Variants in IL1RAPL1 observed in about 807,000 individuals in gnomAD.
IL1RAPL1 encodes the protein interleukin 1 receptor accessory protein like 1, also known as interleukin-1 receptor accessory protein-like 1.
Under a neutral mutation model 48.4 loss-of-function variants are expected in IL1RAPL1, and 3 were observed. The observed-to-expected ratio is 0.06, with a 90% CI of 0.03 to 0.16. The LOEUF is 0.16. IL1RAPL1 is among the 10% of genes least tolerant of loss of function. The pLI is 1.00. For missense variants in IL1RAPL1, 349 were observed against 530.6 expected (o/e 0.66, Z 3.36); for synonymous variants, 185 against 187.7 (o/e 0.99, Z 0.12).
At chrX:29,303,666 T>C (rs1932573349) in intron 3 of IL1RAPL1, among the ~76,000 whole-genome samples, 1 of 111,727 alleles carries the variant, frequency 9.0e-6, no homozygotes, top group East Asian at 2.8e-4. Flanking sequence ...GTAAGCCTTG[T>C]ACAAAATTTT....
At chrX:29,328,008 C>T (rs897602741) in intron 3 of IL1RAPL1, among the ~76,000 whole-genome samples, 5 of 111,742 alleles carry the variant, frequency 4.5e-5, no homozygotes, top group African/African-American at 6.5e-5. Context: ...TGATTGTGAC[C>T]TTGATTTTGT....
At chrX:29,942,420 T>C (rs1272124014) in intron 9 of IL1RAPL1, among the ~76,000 whole-genome samples, 3 of 111,943 alleles carry the variant, frequency 2.7e-5, no homozygotes, top group Non-Finnish European at 5.6e-5. Flanking sequence ...TCATAATTAG[T>C]ATTTGCTTCT....
At chrX:29,605,108 AC>A (rs1923848422) in intron 5 of IL1RAPL1, among the ~76,000 whole-genome samples, 1 of 102,595 alleles carries the variant, frequency 9.7e-6, no homozygotes, top group Admixed American at 1.1e-4. Flanking sequence ...ACACACACAC[AC>A]ACACACACAC....
At chrX:28,858,069 G>A (rs1326539204) in intron 2 of IL1RAPL1, among the ~76,000 whole-genome samples, 1 of 112,257 alleles carries the variant, frequency 8.9e-6, no homozygotes, top group East Asian at 2.8e-4. Context: ...AGTGGATTAA[G>A]TAACTGTAGA....
chrX:29,422,011 C>A (rs1020777039), intron 5 of IL1RAPL1, among the ~76,000 whole-genome samples: 4 of 111,645 alleles, frequency 3.6e-5, no homozygotes, highest in African/African-American at 1.3e-4. Flanking sequence ...TGAGGAGAAC[C>A]AGGGTGGTTA....
At chrX:29,889,271 C>T (rs1364803159) in intron 6 of IL1RAPL1, among the ~76,000 whole-genome samples, 1 of 111,439 alleles carries the variant, frequency 9.0e-6, no homozygotes, top group African/African-American at 3.3e-5. Context: ...GATTGGAATA[C>T]TTTTGGTATC....
chrX:29,624,435 C>T (rs142458201), intron 5 of IL1RAPL1, among the ~76,000 whole-genome samples: 254 of 112,377 alleles, frequency 2.3e-3, no homozygotes, highest in South Asian at 0.017. Flanking sequence ...AGTAAATCAA[C>T]ATTAAAAAGT....
At chrX:28,973,699 A>G (rs1925137992) in intron 2 of IL1RAPL1, among the ~76,000 whole-genome samples, 1 of 111,965 alleles carries the variant, frequency 8.9e-6, no homozygotes, top group South Asian at 3.7e-4. Flanking sequence ...TGTAAATTTA[A>G]TGATTCTCTG....
chrX:29,704,003 A>G (rs957147579), intron 6 of IL1RAPL1, among the ~76,000 whole-genome samples: 1 of 111,508 alleles, frequency 9.0e-6, no homozygotes, highest in Non-Finnish European at 1.9e-5. Flanking sequence ...GCTTACTGCG[A>G]CTTCAAACTC....
chrX:29,048,004 C>T lies in IL1RAPL1; in HGVS notation c.83-234934C>T, dbSNP rs185014011. Among the ~76,000 whole-genome samples the T allele has an allele frequency of 4.4e-3, 492 of 111,361 alleles. 5 individuals carry two copies. The highest frequency in any genetic ancestry group is 0.015 in the African/African-American group (464 of 30,690). On this transcript the variant is annotated intron_variant, in intron 2 of 10. Transcript: ENST00000378993. ...ATGTATCTCTTTTTCATTCACTCCCCTTTCCTTCCCTGTCCCATTCCTTAA... is the reference window on the plus strand; with the variant it reads ...ATGTATCTCTTTTTCATTCACTCCCTTTTCCTTCCCTGTCCCATTCCTTAA...
chrX:29,233,176 G>T (rs1030714553), intron 2 of IL1RAPL1, among the ~76,000 whole-genome samples: 1 of 111,127 alleles, frequency 9.0e-6, no homozygotes, highest in Non-Finnish European at 1.9e-5. Context: ...CTTATGCTGG[G>T]TCATCCCTCC....
intron 6 of IL1RAPL1, among the ~76,000 whole-genome samples, chrX:29,696,658 G>A (rs1243534621): frequency 1.4e-4 from 16 of 111,737 alleles, no homozygotes; most frequent in Admixed American, 1.4e-3. Flanking sequence ...GTTGCTTACC[G>A]CAGTTGGTCA....
chrX:29,226,892 T>A (rs1460143904), intron 2 of IL1RAPL1, among the ~76,000 whole-genome samples: 1 of 111,562 alleles, frequency 9.0e-6, no homozygotes, highest in Non-Finnish European at 1.9e-5. Context: ...TAGCAAATCA[T>A]TAAAGACAAA....
chrX:28,857,464 G>A (rs1482149758), intron 2 of IL1RAPL1, among the ~76,000 whole-genome samples: 4 of 111,658 alleles, frequency 3.6e-5, no homozygotes, highest in African/African-American at 1.3e-4. Flanking sequence ...AGGACAGGCT[G>A]CCTTTCTTGT....
chrX:29,647,968 T>C (rs991198168), intron 5 of IL1RAPL1, among the ~76,000 whole-genome samples: 9 of 111,320 alleles, frequency 8.1e-5, no homozygotes, highest in Non-Finnish European at 1.3e-4. Context: ...AGATATTGCA[T>C]GTAAATAGAA....
chrX:29,506,435 C>T (rs1463006838), intron 5 of IL1RAPL1, among the ~76,000 whole-genome samples: 2 of 93,560 alleles, frequency 2.1e-5, no homozygotes, highest in African/African-American at 7.8e-5. Context: ...TTCTCCTTCT[C>T]CTTCTCCTCC....
intron 3 of IL1RAPL1, among the ~76,000 whole-genome samples, chrX:29,289,663 G>A (rs1323653456): frequency 8.9e-6 from 1 of 112,167 alleles, no homozygotes; most frequent in African/African-American, 3.2e-5. Context: ...AATTTGAGGA[G>A]AATTGATATC....
intron 1 of IL1RAPL1, among the ~76,000 whole-genome samples, chrX:28,758,744 A>T (rs758361893): frequency 2.7e-5 from 3 of 111,897 alleles, no homozygotes; most frequent in African/African-American, 9.7e-5. Context: ...GTTACAATTT[A>T]AAAAAATTGT....
At chrX:28,844,901 G>A (rs909716772) in intron 2 of IL1RAPL1, among the ~76,000 whole-genome samples, 2 of 111,676 alleles carry the variant, frequency 1.8e-5, no homozygotes, top group Non-Finnish European at 3.8e-5. Context: ...CAGTTTGATA[G>A]CATTCAGTAT....
Sources: allele counts gnomAD v4.1 joint callset (sites outside exome capture counted in the v4.1 genomes callset), GRCh38; gene constraint gnomAD v4.1.1; transcripts MANE v1.5; gene names NCBI Gene and HGNC (gene_info 2026-07-23, HGNC 2026-07-21).